ZNF407: variants seen among roughly 807,000 people sequenced by gnomAD.
The protein encoded by ZNF407 is zinc finger protein 407.
In ZNF407, 17 loss-of-function variants were observed where a neutral mutation model predicts 131.2. The ratio of observed to expected loss-of-function variants is 0.13; its 90% CI spans 0.09 to 0.19. The LOEUF (loss-of-function observed/expected upper bound fraction) is 0.19. Among genes scored for constraint, ZNF407 ranks in the 10% least tolerant of loss-of-function variants. The pLI, the probability that ZNF407 is intolerant of heterozygous loss-of-function variation, is 1.00. For synonymous variants in ZNF407, 1,156 were observed against 1,062.0 expected, an observed-to-expected ratio of 1.09 and a Z score of -1.72; for missense variants, 2,681 against 2,830.6, an observed-to-expected ratio of 0.95 and a Z score of 1.20.
intron 3 of ZNF407, among the ~76,000 whole-genome samples, chr18:74,743,768 G>A (rs1381046806): frequency 3.3e-5 from 5 of 152,056 alleles, no homozygotes; most frequent in Non-Finnish European, 5.9e-5. Flanking sequence ...GCTTCTAAAA[G>A]AATAGGTATA....
chr18:74,921,125 C>A, intron 8 of ZNF407: 1 of 643,384 alleles, frequency 1.6e-6, no homozygotes, highest in Non-Finnish European at 1.9e-6. Flanking sequence ...GACCTGCGAC[C>A]ACGACCACGG....
At chr18:74,830,089 G>A (rs903583291) in intron 4 of ZNF407, among the ~76,000 whole-genome samples, 1 of 152,114 alleles carries the variant, frequency 6.6e-6, no homozygotes. Context: ...CAGTGAGAAT[G>A]TGACCATCCT....
At chr18:74,875,866 AT>A (rs1025475036) in intron 4 of ZNF407, among the ~76,000 whole-genome samples, 2 of 152,154 alleles carry the variant, frequency 1.3e-5, no homozygotes, top group African/African-American at 2.4e-5. Context: ...ATATTTAACT[AT>A]TTTTATTTCT....
intron 8 of ZNF407, among the ~76,000 whole-genome samples, chr18:74,981,014 G>A (rs958504547): frequency 1.3e-5 from 2 of 152,308 alleles, no homozygotes; most frequent in African/African-American, 4.8e-5. Context: ...TCAAGATTTT[G>A]GTGTCAGGTG....
intron 8 of ZNF407, among the ~76,000 whole-genome samples, chr18:75,015,703 C>T (rs1177930123): frequency 6.6e-6 from 1 of 151,534 alleles, no homozygotes; most frequent in Non-Finnish European, 1.5e-5. Context: ...GATATAACGG[C>T]ACAGAATATT....
At position 75,064,045 on chromosome 18, in the gene ZNF407, C is replaced by A. The variant is rs373892088; in HGVS notation, c.6324C>A (p.Ser2108Arg). The change falls in exon 9 of 9, where the codon AGC (serine) becomes AGA (arginine). Residue 2108 changes from serine to arginine, a missense_variant. Around this residue, in one of 6 missense-constraint regions of ZNF407, gnomAD observed 620 missense variants for 583.1 expected, o/e 1.06. Coordinates refer to ENST00000299687, the MANE Select transcript of ZNF407 (RefSeq NM_017757.3). The part of the protein sequence containing the change: ...VKDGVTQVVV[S>R]EEGAVHMVAG... The stretch of plus-strand genomic sequence containing the variant: ...ACGGTGTCACCCAGGTGGTGGTGAG[C>A]GAAGAGGGTGCCGTCCACATGGTCG... 2 of 1,597,648 alleles carry A rather than the reference C, an allele frequency of 1.3e-6. No individual in the cohort carries two copies. The highest frequency in any genetic ancestry group is 3.5e-5 in the Admixed American group (2 of 57,380).
At chr18:74,991,070 CTAGTTCAGCTTACTT>C (rs1448760649) in intron 8 of ZNF407, among the ~76,000 whole-genome samples, 2 of 152,174 alleles carry the variant, frequency 1.3e-5, no homozygotes, top group Non-Finnish European at 2.9e-5. Context: ...GTCTGATGTG[CTAGTTCAGCTTACTT>C]GCACATTGAA....
At chr18:74,692,833 T>A (rs1428156637) in intron 3 of ZNF407, among the ~76,000 whole-genome samples, 1 of 152,058 alleles carries the variant, frequency 6.6e-6, no homozygotes, top group Non-Finnish European at 1.5e-5. Flanking sequence ...CAGAGCAGTG[T>A]CTTTGCTTTT....
intron 8 of ZNF407, among the ~76,000 whole-genome samples, chr18:74,971,532 A>C (rs1972472348): frequency 2.0e-5 from 3 of 152,236 alleles, no homozygotes; most frequent in African/African-American, 7.2e-5. Context: ...GCAAAATGCC[A>C]GGAGTCTCTG....
rs779682258 is a variant in ZNF407 at position 74,633,735 on chromosome 18, C to T, written c.2716C>T (p.Arg906Trp). The change falls in exon 2 of 9, where the codon CGG (arginine) becomes TGG (tryptophan). Residue 906 changes from arginine (R) to tryptophan (W), a missense_variant. Around this residue, in one of 6 missense-constraint regions of ZNF407, gnomAD observed 1,789 missense variants for 1,748.7 expected, o/e 1.02. Transcript: ENST00000299687. The part of the protein sequence containing the change: ...RHCATKKHKG[R>W]VEIEASGKHS... Reference sequence around the variant, plus strand: ...TTGTGCCACCAAGAAACATAAAGGACGGGTAGAAATAGAAGCAAGTGGAAA... The same window carrying T: ...TTGTGCCACCAAGAAACATAAAGGATGGGTAGAAATAGAAGCAAGTGGAAA... 1.9e-5 allele frequency: 30 copies of T among 1,613,742 alleles called. No homozygotes were observed. The highest frequency in any genetic ancestry group is 2.5e-5 in the Non-Finnish European group (29 of 1,179,850).
At chr18:74,773,017 G>A (rs976650085) in intron 3 of ZNF407, among the ~76,000 whole-genome samples, 3 of 152,166 alleles carry the variant, frequency 2.0e-5, no homozygotes, top group Admixed American at 6.5e-5. Context: ...GAACAATCAT[G>A]ACTGAATGTT....
chr18:74,854,344 GA>G (rs1406972372), intron 4 of ZNF407, among the ~76,000 whole-genome samples: 5 of 152,168 alleles, frequency 3.3e-5, no homozygotes, highest in African/African-American at 1.2e-4. Flanking sequence ...TTTACTGTGA[GA>G]AATGTGTCTT....
intron 1 of ZNF407, among the ~76,000 whole-genome samples, chr18:74,603,018 C>T (rs1982649543): frequency 6.6e-6 from 1 of 152,160 alleles, no homozygotes; most frequent in South Asian, 2.1e-4. Context: ...CCCAGGCAGC[C>T]CGGCAGATCA....
chr18:74,674,774 G>A lies in ZNF407; in HGVS notation c.4802+33652G>A, dbSNP rs1022709473. Among the ~76,000 whole-genome samples, 6 of 152,212 alleles carry A rather than the reference G, an allele frequency of 3.9e-5. No homozygotes were observed. The East Asian group carries it at 1.2e-3, about 29-fold the overall frequency. On this transcript the variant is annotated intron_variant, in intron 3 of 8. Coordinates refer to ENST00000299687, the MANE Select transcript of ZNF407 (RefSeq NM_017757.3). ...CAATAGGCAATGTGTAAATGAGTTA[G>A]TGTGGCTATGTTTCTGCTTACGAAG...
rs561231129 is a variant in ZNF407 at position 74,824,181 on chromosome 18, C to T, written c.4877+42679C>T. On this transcript the variant is annotated intron_variant, in intron 4 of 8. Coordinates refer to ENST00000299687, the MANE Select transcript of ZNF407 (RefSeq NM_017757.3). Reference sequence around the variant, plus strand: ...GAAACCAATGAGAACAAAGACACAACGTACCAGAATCTCTGGGACACATTT... The same window carrying T: ...GAAACCAATGAGAACAAAGACACAATGTACCAGAATCTCTGGGACACATTT... 1.4e-4 allele frequency among the ~76,000 whole-genome samples: 22 copies of T among 152,258 alleles called. No homozygotes were observed. The East Asian group carries it at 1.9e-3, about 13-fold the overall frequency.
intron 8 of ZNF407, among the ~76,000 whole-genome samples, chr18:75,055,290 A>G (rs1006787360): frequency 2.6e-5 from 4 of 152,294 alleles, no homozygotes; most frequent in Non-Finnish European, 1.5e-5. Context: ...ATGAAACTCA[A>G]TGACACTGTT....
chr18:74,629,023 C>G (rs1295128334), intron 1 of ZNF407, among the ~76,000 whole-genome samples: 1 of 152,156 alleles, frequency 6.6e-6, no homozygotes, highest in African/African-American at 2.4e-5. Flanking sequence ...CATTTGCATA[C>G]AAGTTTTTGG....
At chr18:74,730,054 C>T (rs1015187910) in intron 3 of ZNF407, among the ~76,000 whole-genome samples, 2 of 152,136 alleles carry the variant, frequency 1.3e-5, no homozygotes, top group African/African-American at 4.8e-5. Flanking sequence ...ATTCAACAAA[C>T]GCCTGTGGAA....
chr18:74,869,260 T>C lies in ZNF407; in HGVS notation c.4878-7937T>C, dbSNP rs117452124. 6.4e-3 allele frequency among the ~76,000 whole-genome samples: 978 copies of C among 152,346 alleles called. 3 individuals are homozygous for C. Among genetic ancestry groups the C allele is most frequent in the Non-Finnish European group, 9.9e-3 (671 of 68,028 alleles). On this transcript the variant is annotated intron_variant, in intron 4 of 8. Coordinates refer to ENST00000299687, the MANE Select transcript of ZNF407 (RefSeq NM_017757.3). ...TCCTTACATAAATCCAGTGGCTTTT[T>C]ACCTAACCTGAAGCAATAAAATTTC...
Sources: gnomAD v4.1 joint callset for allele counts (sites outside exome capture counted in the v4.1 genomes callset) on GRCh38, gnomAD v4.1.1 for gene constraint, gnomAD v4.1.1 regional missense constraint, MANE v1.5 for transcripts, NCBI Gene and HGNC (gene_info 2026-07-23, HGNC 2026-07-21) for gene names.